ECE1: variants seen among roughly 807,000 people sequenced by gnomAD.
ECE1 encodes the protein endothelin-converting enzyme 1.
ECE1 carries 35 observed loss-of-function variants against 98.6 expected under a neutral mutation model. That is an observed-to-expected ratio of 0.35 (90% CI 0.27 to 0.47). The LOEUF (loss-of-function observed/expected upper bound fraction) is 0.47. ECE1 is among the 20% of genes least tolerant of loss of function. ECE1 has a pLI of 1.00. For synonymous variants in ECE1, 394 were observed against 407.1 expected (o/e 0.97, Z 0.39); for missense variants, 814 against 1,025.3 (o/e 0.79, Z 2.81).
chr1:21,277,070 C>A (rs1480829014), intron 3 of ECE1, among the ~76,000 whole-genome samples: 1 of 152,170 alleles, frequency 6.6e-6, no homozygotes, highest in Non-Finnish European at 1.5e-5. Flanking sequence ...GCACCAGCAC[C>A]TGCTCCTGGG....
chr1:21,332,325 G>C (rs1639214447), intron 1 of ECE1, among the ~76,000 whole-genome samples: 1 of 151,954 alleles, frequency 6.6e-6, no homozygotes, highest in Non-Finnish European at 1.5e-5. Flanking sequence ...TGCTCCATCA[G>C]AACCCTGCCT....
In ECE1 at chr1:21,219,016, GT is replaced by G. The variant is rs1427092759; in HGVS notation, c.*938del. 1 of 152,348 alleles carries G rather than the reference GT, an allele frequency of 6.6e-6. No individual in the cohort carries two copies. The highest frequency in any genetic ancestry group is 1.5e-5 in the Non-Finnish European group (1 of 68,142). 9.4% of individuals were successfully genotyped at this position (152,348 alleles called of 1,614,324 possible). A position where few individuals can be genotyped will look rare whatever the true frequency, so the allele number is the denominator to read the frequency against. On this transcript the variant is annotated 3_prime_UTR_variant, in exon 19 of 19. Coordinates refer to ENST00000374893, the MANE Select transcript of ECE1 (RefSeq NM_001397.3). This position sits in a 1 kb window ranked among gnomAD's most constrained non-coding sequence, Gnocchi z 4.5. ...GATAGACATGGGACAGCCCGAAAAGGTGGGACTGAGAGGGGACACTTGTGGC... is the reference window on the plus strand; with the variant it reads ...GATAGACATGGGACAGCCCGAAAAGGGGGACTGAGAGGGGACACTTGTGGC...
At chr1:21,245,149 G>T in intron 9 of ECE1, 46 bp from the exon 10 acceptor site, 1 of 1,554,712 alleles carries the variant, frequency 6.4e-7, no homozygotes, top group Non-Finnish European at 8.8e-7. Flanking sequence ...CCTAGGCAGG[G>T]AGGATTGCGG....
Position 21,237,856 on chromosome 1 carries a change from A to G in ECE1, c.1389+278T>C, listed in dbSNP as rs952333466. Among the ~76,000 whole-genome samples, 3 of 152,246 alleles carry G rather than the reference A, an allele frequency of 2.0e-5. No individual in the cohort carries two copies. In the South Asian group the frequency reaches 6.2e-4, roughly 31 times the overall value. On this transcript the variant is annotated intron_variant, in intron 11 of 18. Coordinates refer to ENST00000374893, the MANE Select transcript of ECE1 (RefSeq NM_001397.3). ...CCAACATTCTCTCTGGGTCGTTCAC[A>G]GCCCTTGGAGGTGGGGATGGCTGTC...
Position 21,261,797 on chromosome 1 carries a change from C to T in ECE1, c.494-1405G>A, listed in dbSNP as rs146444334. On this transcript the variant is annotated intron_variant, in intron 4 of 18. Transcript: ENST00000374893. ...GGGGAGAAGAGGGGTCTCCAGAGGG[C>T]GTTCCATTTGAGCTGGTTCTGAAAG... 1.3e-4 allele frequency among the ~76,000 whole-genome samples: 20 copies of T among 152,236 alleles called. 1 individual carries two copies. In the East Asian group the frequency reaches 3.9e-3, roughly 29 times the overall value.
intron 1 of ECE1, among the ~76,000 whole-genome samples, chr1:21,309,455 C>T (rs1465760936): frequency 6.6e-6 from 1 of 152,174 alleles, no homozygotes; most frequent in African/African-American, 2.4e-5. Context: ...TGGAGTAGTG[C>T]CTGGTATGCA....
At chr1:21,343,294 A>C (rs1016515489) in intron 1 of ECE1, among the ~76,000 whole-genome samples, 2 of 152,212 alleles carry the variant, frequency 1.3e-5, no homozygotes, top group Non-Finnish European at 2.9e-5. Context: ...GCTTAGAGTA[A>C]GTGTTCAACA....
chr1:21,219,785 G>A lies in ECE1; in HGVS notation c.*170C>T, dbSNP rs996257020. 23 of 784,424 alleles carry A rather than the reference G, an allele frequency of 2.9e-5. No homozygotes were observed. The highest frequency in any genetic ancestry group is 6.5e-5 in the Admixed American group (3 of 46,462). The allele number at this position is 784,424 out of a possible 1,614,324, so 48.6% of individuals were successfully genotyped here. ...GGCTCTTCACAGGGGATCAGACTGC[G>A]GGTCACGTTGAGAGCCAACACCATG... On this transcript the variant is annotated 3_prime_UTR_variant, in exon 19 of 19. Transcript: ENST00000374893. This position sits in a 1 kb window ranked among gnomAD's most constrained non-coding sequence, Gnocchi z 4.5.
intron 4 of ECE1, among the ~76,000 whole-genome samples, chr1:21,267,670 A>G (rs1167414831): frequency 6.6e-6 from 1 of 152,200 alleles, no homozygotes; most frequent in Admixed American, 6.5e-5. Flanking sequence ...CAAACAGACT[A>G]AGAATCAATC....
At chr1:21,245,944 T>C (rs2103260957) in intron 9 of ECE1, among the ~76,000 whole-genome samples, 1 of 152,200 alleles carries the variant, frequency 6.6e-6, no homozygotes, top group South Asian at 2.1e-4. Flanking sequence ...CACACACACA[T>C]ACCACAAGAT....
At chr1:21,306,323 GTGTTTTTT>G (rs1225188950) in intron 1 of ECE1, among the ~76,000 whole-genome samples, 4 of 149,322 alleles carry the variant, frequency 2.7e-5, no homozygotes, top group Admixed American at 2.6e-4. Flanking sequence ...TATATGTTAA[GTGTTTTTT>G]TGTTTTTTTT....
At chr1:21,293,362 T>G (rs897781200), upstream of ECE1, 3 of 152,052 alleles carry the variant, frequency 2.0e-5, no homozygotes, top group African/African-American at 7.2e-5. Flanking sequence ...ATGCTGCCTT[T>G]TACTGAGGCA....
At chr1:21,292,819 G>A (rs944450120), upstream of ECE1, among the ~76,000 whole-genome samples, 8 of 152,240 alleles carry the variant, frequency 5.3e-5, no homozygotes, top group African/African-American at 1.4e-4. Context: ...GAGGCAGGGT[G>A]CATGGGAAAG....
rs1366364908 is a variant in ECE1, at chr1:21,235,313, T to A, written c.1566+537A>T. 6.6e-6 allele frequency among the ~76,000 whole-genome samples: 1 copy of A among 152,208 alleles called. No homozygotes were observed. ...CCACCTCCATTGCCCAAACCAAGCT[T>A]AAAAATGCACCTGGATTTAAGCTGC... On this transcript the variant is annotated intron_variant, in intron 13 of 18. Transcript: ENST00000374893. This position sits in a 1 kb window ranked among gnomAD's most constrained non-coding sequence, Gnocchi z 4.2.
Position 21,272,890 on chromosome 1 carries a change from C to T in ECE1, c.302G>A (p.Ser101Asn). 6.2e-7 allele frequency: 1 copy of T among 1,614,178 alleles called. No homozygotes were observed. The change falls in exon 4 of 19, where the codon AGC becomes AAC. Residue 101 changes from serine to asparagine, a missense_variant. Physicochemically the swap from Ser to Asn is conservative, Grantham distance 46 (BLOSUM62 1). Around this residue, in one of 3 missense-constraint regions of ECE1, gnomAD observed 257 missense variants for 278.9 expected, o/e 0.92. Coordinates refer to ENST00000374893, the MANE Select transcript of ECE1 (RefSeq NM_001397.3). Reference sequence around the variant, plus strand: ...GCTGGTCACTGAGACACAAGCTTCGCTCAGGCACACAGAGGGGGATCCTGG... The same window carrying T: ...GCTGGTCACTGAGACACAAGCTTCGTTCAGGCACACAGAGGGGGATCCTGG... ...YQTRSPSVCL[S>N]EACVSVTSSI...
At chr1:21,242,357 C>CT (rs2098197558) in intron 10 of ECE1, among the ~76,000 whole-genome samples, 1 of 152,188 alleles carries the variant, frequency 6.6e-6, no homozygotes, top group East Asian at 1.9e-4. Flanking sequence ...ATGCTCTATG[C>CT]TTTTTCCCGA....
intron 10 of ECE1, among the ~76,000 whole-genome samples, chr1:21,243,518 C>T (rs531949032): frequency 6.6e-6 from 1 of 152,270 alleles, no homozygotes; most frequent in Admixed American, 6.5e-5. Context: ...CACACCAGGC[C>T]CTTGCTGCTT....
chr1:21,249,499 C>A (rs1178374916), intron 8 of ECE1, among the ~76,000 whole-genome samples: 2 of 151,576 alleles, frequency 1.3e-5, no homozygotes, highest in African/African-American at 2.4e-5. Flanking sequence ...AGTTCAAGAC[C>A]AGCCTGGGCA....
intron 8 of ECE1, among the ~76,000 whole-genome samples, chr1:21,252,947 C>T (rs1166512415): frequency 2.0e-5 from 3 of 152,186 alleles, no homozygotes; most frequent in Non-Finnish European, 4.4e-5. Context: ...CATCCTTTAC[C>T]TCAACTTATT....
Sources: gnomAD v4.1 joint callset for allele counts (sites outside exome capture counted in the v4.1 genomes callset) on GRCh38, gnomAD v4.1.1 for gene constraint, gnomAD v4.1.1 regional missense constraint, Gnocchi (gnomAD v3.1) non-coding constraint, MANE v1.5 for transcripts, NCBI Gene and HGNC (gene_info 2026-07-23, HGNC 2026-07-21) for gene names.